Variants in SCTR observed in about 807,000 individuals in gnomAD.
SCTR encodes pancreatic secretin receptor.
In SCTR, 56 loss-of-function variants were observed where a neutral mutation model predicts 60.8. That is an observed-to-expected ratio of 0.92 (90% confidence interval 0.74 to 1.15). The LOEUF is 1.15. SCTR is among the 50% of genes most tolerant of loss of function. The pLI is 0.00. For synonymous variants in SCTR, 202 were observed against 217.0 expected (o/e 0.93, Z 0.61); for missense variants, 562 against 550.4 (o/e 1.02, Z -0.21).
intron 6 of SCTR, among the ~76,000 whole-genome samples, chr2:119,463,620 T>G (rs1683704133): frequency 1.3e-5 from 2 of 152,062 alleles, no homozygotes; most frequent in Non-Finnish European, 2.9e-5. Flanking sequence ...GAATCCCAAC[T>G]GACACACAGG....
intron 4 of SCTR, among the ~76,000 whole-genome samples, chr2:119,467,283 G>A (rs1175908332): frequency 1.3e-5 from 2 of 152,102 alleles, no homozygotes; most frequent in Non-Finnish European, 2.9e-5. Flanking sequence ...GAAGGCTGAG[G>A]CAGGAGGCTC....
chr2:119,451,063 C>T (rs973132107), intron 9 of SCTR, among the ~76,000 whole-genome samples: 1 of 152,226 alleles, frequency 6.6e-6, no homozygotes, highest in Non-Finnish European at 1.5e-5. Context: ...TGGTCCTCTC[C>T]TCTCAACCAA....
At chr2:119,499,931 G>A (rs1055336609) in intron 1 of SCTR, among the ~76,000 whole-genome samples, 9 of 151,908 alleles carry the variant, frequency 5.9e-5, no homozygotes, top group Non-Finnish European at 8.8e-5. Context: ...ACAAGAAAAA[G>A]AAATAAAGGC....
chr2:119,459,831 G>A (rs1201507180), intron 7 of SCTR, among the ~76,000 whole-genome samples: 3 of 152,146 alleles, frequency 2.0e-5, no homozygotes, highest in African/African-American at 7.2e-5. Flanking sequence ...ATAAATTATG[G>A]TCCTGATATT....
chr2:119,517,159 T>C (rs1157926237), intron 1 of SCTR, among the ~76,000 whole-genome samples: 1 of 152,028 alleles, frequency 6.6e-6, no homozygotes, highest in East Asian at 1.9e-4. Flanking sequence ...TTGTACACTT[T>C]AAGTGCTTTT....
Position 119,454,476 on chromosome 2 carries a change from A to G in SCTR, c.791-1129T>C, listed in dbSNP as rs958373728. Among the ~76,000 whole-genome samples, 3 of 152,182 alleles carry G rather than the reference A, an allele frequency of 2.0e-5. No homozygotes were observed. In the South Asian group the frequency reaches 6.2e-4, roughly 31 times the overall value. On this transcript the variant is annotated intron_variant, in intron 7 of 12. Coordinates refer to ENST00000019103, the MANE Select transcript of SCTR (RefSeq NM_002980.3). Reference sequence around the variant, plus strand: ...CCAGCGCTCAAGGTGGCTCTTGAGCACCTGGTATGTGGCTGGTCCCTACTG... The same window carrying G: ...CCAGCGCTCAAGGTGGCTCTTGAGCGCCTGGTATGTGGCTGGTCCCTACTG...
At chr2:119,473,962 A>G (rs919621162) in intron 3 of SCTR, among the ~76,000 whole-genome samples, 26 of 152,296 alleles carry the variant, frequency 1.7e-4, no homozygotes, top group African/African-American at 6.3e-4. Context: ...TCTGTTTTAA[A>G]TGGAACTTCA....
At chr2:119,480,419 G>A (rs1677546825) in intron 2 of SCTR, among the ~76,000 whole-genome samples, 1 of 152,192 alleles carries the variant, frequency 6.6e-6, no homozygotes, top group Non-Finnish European at 1.5e-5. Flanking sequence ...CACGAGAACA[G>A]CATGGGAGAA....
Position 119,464,270 on chromosome 2 carries a change from T to C in SCTR, c.504-15A>G, listed in dbSNP as rs995254875. 1.5e-5 allele frequency: 24 copies of C among 1,613,828 alleles called. No individual in the cohort carries two copies. Among genetic ancestry groups the C allele is most frequent in the African/African-American group, 2.7e-5 (2 of 74,884 alleles). ...AGTGGAGCCTCCTGCAGGGAGAGAA[T>C]GTAGGGACATAGAGGCCAGAGCCTG... On this transcript the variant is annotated splice_polypyrimidine_tract_variant and intron_variant, in intron 5 of 12. Transcript: ENST00000019103.
chr2:119,520,700 G>A (rs1679261472), intron 1 of SCTR, among the ~76,000 whole-genome samples: 1 of 152,148 alleles, frequency 6.6e-6, no homozygotes, highest in African/African-American at 2.4e-5. Context: ...GGAAAAAGAT[G>A]GGAAGGGAGG....
At chr2:119,517,913 T>C (rs1329237166) in intron 1 of SCTR, among the ~76,000 whole-genome samples, 2 of 152,136 alleles carry the variant, frequency 1.3e-5, no homozygotes, top group East Asian at 1.9e-4. Context: ...TATTTGGAGG[T>C]AGGGCCCATA....
intron 2 of SCTR, chr2:119,486,523 A>C (rs532580703): frequency 6.6e-6 from 1 of 152,280 alleles, no homozygotes; most frequent in Non-Finnish European, 1.5e-5. Context: ...AAGCGAATTA[A>C]GGATTAATTG....
intron 1 of SCTR, among the ~76,000 whole-genome samples, chr2:119,505,248 C>T (rs1678697066): frequency 7.1e-6 from 1 of 141,016 alleles, no homozygotes; most frequent in Admixed American, 7.8e-5. Flanking sequence ...TATTGCAGCG[C>T]TATTCACAAT....
chr2:119,467,372 C>CAA lies in SCTR; in HGVS notation c.406-1488_406-1487dup, dbSNP rs554916912. 4.3e-3 allele frequency among the ~76,000 whole-genome samples: 364 copies of CAA among 85,510 alleles called. 1 individual carries two copies. Among genetic ancestry groups the CAA allele is most frequent in the African/African-American group, 0.015 (342 of 23,554 alleles). The allele number at this position is 85,510 out of a possible 152,430, so 56.1% of individuals were successfully genotyped here. A position where few individuals can be genotyped will look rare whatever the true frequency, so the allele number is the denominator to read the frequency against. Reference sequence around the variant, plus strand: ...CCAGCCTGGGCTGGAGACCCTGTCTCAAAAAAAAAAAAAAATTGAAAGATC... The same window carrying CAA: ...CCAGCCTGGGCTGGAGACCCTGTCTCAAAAAAAAAAAAAAAAATTGAAAGATC... On this transcript the variant is annotated intron_variant, in intron 4 of 12. Transcript: ENST00000019103.
intron 3 of SCTR, among the ~76,000 whole-genome samples, chr2:119,475,032 G>A (rs1216720142): frequency 6.6e-6 from 1 of 152,218 alleles, no homozygotes; most frequent in Non-Finnish European, 1.5e-5. Flanking sequence ...GAGTGAGCAG[G>A]GAACATGAGA....
chr2:119,478,663 C>T (rs1327824957), intron 3 of SCTR, 148 bp downstream of exon 3: 1 of 703,974 alleles, frequency 1.4e-6, no homozygotes. Flanking sequence ...CCAAGCAAGG[C>T]TTCTAATCCT....
intron 1 of SCTR, among the ~76,000 whole-genome samples, chr2:119,510,864 CT>C (rs1469972379): frequency 6.6e-6 from 1 of 151,964 alleles, no homozygotes; most frequent in Admixed American, 6.6e-5. Flanking sequence ...TTTTCAACTC[CT>C]TTTAGTTGTT....
chr2:119,506,486 TTATTTATC>T (rs1678743399), intron 1 of SCTR, among the ~76,000 whole-genome samples: 1 of 151,696 alleles, frequency 6.6e-6, no homozygotes, highest in Admixed American at 6.6e-5. Flanking sequence ...ATTTATTTAT[TTATTTATC>T]TTTTAGAGAC....
intron 1 of SCTR, among the ~76,000 whole-genome samples, chr2:119,518,363 C>T (rs1462653215): frequency 0.028 from 4,310 of 152,024 alleles, 198 homozygotes; most frequent in African/African-American, 0.095. Flanking sequence ...GAGAGGGAGG[C>T]GGGAGGTGAG....
Sources: gnomAD v4.1 joint callset for allele counts (sites outside exome capture counted in the v4.1 genomes callset) on GRCh38, gnomAD v4.1.1 for gene constraint, MANE v1.5 for transcripts, NCBI Gene and HGNC (gene_info 2026-07-23, HGNC 2026-07-21) for gene names.